The following PTPRD variants were observed in gnomAD, a reference collection of about 807,000 sequenced individuals.
PTPRD encodes receptor-type tyrosine-protein phosphatase delta.
PTPRD carries 34 observed loss-of-function variants against 214.5 expected under a neutral mutation model. The observed-to-expected ratio is 0.16, with a 90% confidence interval of 0.12 to 0.21. The LOEUF (loss-of-function observed/expected upper bound fraction) is 0.21. Among genes scored for constraint, PTPRD ranks in the 10% least tolerant of loss-of-function variants. The pLI is 1.00. For synonymous variants in PTPRD, 1,128 were observed against 845.7 expected (o/e 1.33, Z -5.79); for missense variants, 2,545 against 2,398.7 (o/e 1.06, Z -1.27).
At chr9:8,763,319 C>T (rs1463775527) in intron 11 of PTPRD, among the ~76,000 whole-genome samples, 1 of 151,900 alleles carries the variant, frequency 6.6e-6, no homozygotes, top group Admixed American at 6.6e-5. Flanking sequence ...CGAGACCAGC[C>T]TAGCCAATAT....
intron 42 of PTPRD, among the ~76,000 whole-genome samples, chr9:8,339,332 G>A (rs970644843): frequency 2.6e-5 from 4 of 152,046 alleles, no homozygotes; most frequent in Non-Finnish European, 5.9e-5. Context: ...TACTTTCATA[G>A]GGTAAGCATC....
At chr9:8,737,434 TAAGAA>T (rs995560647) in intron 11 of PTPRD, among the ~76,000 whole-genome samples, 24 of 151,954 alleles carry the variant, frequency 1.6e-4, no homozygotes, top group African/African-American at 5.6e-4. Flanking sequence ...AATGGATTCT[TAAGAA>T]AATAATTAAA....
intron 10 of PTPRD, among the ~76,000 whole-genome samples, chr9:9,179,962 T>C (rs1334800793): frequency 1.3e-5 from 2 of 152,006 alleles, no homozygotes; most frequent in African/African-American, 4.8e-5. Context: ...CAAAAATAAA[T>C]GTTAAAATAT....
At chr9:10,059,784 TA>T (rs5896364) in intron 3 of PTPRD, among the ~76,000 whole-genome samples, 9,411 of 148,470 alleles carry the variant, frequency 0.063, 992 homozygotes, top group African/African-American at 0.21. Flanking sequence ...TTTAAGAAAT[TA>T]AAAAAAAAAC....
In PTPRD at chr9:8,989,065, C is replaced by G. The variant is rs188236923; in HGVS notation, c.-104+29632G>C. ...GAGTCACACTCAGGATTTCAACTAC[C>G]TATGTCTCAGTTTTTTTATTATTGC... On this transcript the variant is annotated intron_variant, in intron 11 of 45. Coordinates refer to ENST00000381196, the MANE Select transcript of PTPRD (RefSeq NM_002839.4). 7.5e-3 allele frequency among the ~76,000 whole-genome samples: 1,139 copies of G among 151,868 alleles called. 8 individuals carry two copies. Among genetic ancestry groups the G allele is most frequent in the Non-Finnish European group, 0.013 (870 of 67,892 alleles).
rs868210901 is a variant in PTPRD, at chr9:8,436,650, G to T, written c.4028C>A (p.Ala1343Glu). 6.2e-7 allele frequency: 1 copy of T among 1,613,478 alleles called. No individual in the cohort carries two copies. The change falls in exon 35 of 46, where the codon GCA becomes GAA. Residue 1343 changes from alanine (A) to glutamate (E), a missense_variant. Transcript: ENST00000381196. ...TGCTTTCAATCTTTCAATGTGGTCTGCAAGTTCCAAGATGGGTATTGGAGG... is the reference window on the plus strand; with the variant it reads ...TGCTTTCAATCTTTCAATGTGGTCTTCAAGTTCCAAGATGGGTATTGGAGG... ...SHPPIPILEL[A>E]DHIERLKAND...
At chr9:10,069,479 T>A (rs949853306) in intron 3 of PTPRD, among the ~76,000 whole-genome samples, 1 of 152,032 alleles carries the variant, frequency 6.6e-6, no homozygotes, top group African/African-American at 2.4e-5. Context: ...GACCATTTTT[T>A]AATTGTGAAT....
intron 34 of PTPRD, among the ~76,000 whole-genome samples, chr9:8,448,267 G>A (rs1291362345): frequency 5.3e-5 from 8 of 152,180 alleles, no homozygotes; most frequent in Admixed American, 4.6e-4. Flanking sequence ...GGTTGAGGCT[G>A]CAGTGAGCCG....
chr9:9,604,374 G>A (rs1438587568), intron 7 of PTPRD, among the ~76,000 whole-genome samples: 3 of 152,032 alleles, frequency 2.0e-5, no homozygotes, highest in Non-Finnish European at 4.4e-5. Flanking sequence ...CATATTTTGT[G>A]AGGGAAATAT....
chr9:10,356,068 G>A (rs1297783549), intron 2 of PTPRD, among the ~76,000 whole-genome samples: 1 of 150,820 alleles, frequency 6.6e-6, no homozygotes, highest in African/African-American at 2.4e-5. Flanking sequence ...TCCATTTTTG[G>A]TTGTCAGGGT....
chr9:8,940,261 A>ATCTC (rs112253790), intron 11 of PTPRD, among the ~76,000 whole-genome samples: 1 of 38,758 alleles, frequency 2.6e-5, no homozygotes, highest in African/African-American at 7.8e-5. Flanking sequence ...CATTTCACAC[A>ATCTC]TCTCTCTCTC....
At chr9:10,510,778 C>A (rs1279330498) in intron 2 of PTPRD, among the ~76,000 whole-genome samples, 1 of 151,990 alleles carries the variant, frequency 6.6e-6, no homozygotes, top group Non-Finnish European at 1.5e-5. Flanking sequence ...TATAGTTGCC[C>A]TATTGTGCTA....
chr9:9,535,186 T>A (rs895934521), intron 8 of PTPRD, among the ~76,000 whole-genome samples: 1 of 152,026 alleles, frequency 6.6e-6, no homozygotes, highest in African/African-American at 2.4e-5. Flanking sequence ...GTGGATTTGT[T>A]CCCCCAGAGA....
At chr9:10,584,900 T>C (rs1343266722) in intron 2 of PTPRD, among the ~76,000 whole-genome samples, 2 of 152,148 alleles carry the variant, frequency 1.3e-5, no homozygotes, top group Non-Finnish European at 2.9e-5. Context: ...GCAACATTCA[T>C]ATGTTAGATG....
chr9:9,213,516 T>TTTG (rs2099950160), intron 9 of PTPRD, among the ~76,000 whole-genome samples: 3 of 151,566 alleles, frequency 2.0e-5, no homozygotes, highest in African/African-American at 4.8e-5. Context: ...TTTCCTGGTT[T>TTTG]TTTGTTTGTT....
intron 2 of PTPRD, among the ~76,000 whole-genome samples, chr9:10,420,259 A>C (rs2098533845): frequency 6.6e-6 from 1 of 151,890 alleles, no homozygotes; most frequent in Non-Finnish European, 1.5e-5. Context: ...GTTTACTCTG[A>C]GAATTTATTC....
chr9:9,553,929 C>A (rs1270943227), intron 8 of PTPRD, among the ~76,000 whole-genome samples: 4 of 151,958 alleles, frequency 2.6e-5, no homozygotes, highest in African/African-American at 9.7e-5. Context: ...TACCCTCTGA[C>A]AACAAAGCTT....
At chr9:9,889,309 G>A (rs1017938255) in intron 5 of PTPRD, among the ~76,000 whole-genome samples, 1 of 152,120 alleles carries the variant, frequency 6.6e-6, no homozygotes, top group East Asian at 1.9e-4. Context: ...TAATGAATGT[G>A]TTAACTAGCT....
At chr9:10,038,966 C>G (rs1002982486) in intron 3 of PTPRD, among the ~76,000 whole-genome samples, 7 of 151,978 alleles carry the variant, frequency 4.6e-5, no homozygotes, top group African/African-American at 1.7e-4. Context: ...ATTCCAAACA[C>G]TTTATTCTTT....
Sources: allele counts gnomAD v4.1 joint callset (sites outside exome capture counted in the v4.1 genomes callset), GRCh38; gene constraint gnomAD v4.1.1; transcripts MANE v1.5; gene names NCBI Gene and HGNC (gene_info 2026-07-23, HGNC 2026-07-21).